SH3PXD2A: variants seen among roughly 807,000 people sequenced by gnomAD.
The protein encoded by SH3PXD2A is SH3 and PX domain-containing protein 2A.
In SH3PXD2A, 32 loss-of-function variants were observed where a neutral mutation model predicts 115.2. The ratio of observed to expected loss-of-function variants is 0.28; its 90% CI spans 0.21 to 0.37. The LOEUF is 0.37. Among genes scored for constraint, SH3PXD2A ranks in the 10% least tolerant of loss-of-function variants. The pLI, the probability that SH3PXD2A is intolerant of heterozygous loss-of-function variation, is 1.00. For missense variants in SH3PXD2A, 1,328 were observed against 1,498.7 expected (o/e 0.89, Z 1.88); for synonymous variants, 610 against 629.1 (o/e 0.97, Z 0.45).
intron 3 of SH3PXD2A, among the ~76,000 whole-genome samples, chr10:103,757,313 G>A (rs1388611115): frequency 6.6e-6 from 1 of 152,168 alleles, no homozygotes; most frequent in Non-Finnish European, 1.5e-5. Context: ...ATGGTGATTA[G>A]CATGGGGTGC....
intron 8 of SH3PXD2A, among the ~76,000 whole-genome samples, chr10:103,638,887 G>A (rs2036906702): frequency 6.6e-6 from 1 of 152,228 alleles, no homozygotes; most frequent in Non-Finnish European, 1.5e-5. Context: ...GTTTCAGGGG[G>A]AGAGAGAGAC....
intron 13 of SH3PXD2A, chr10:103,610,199 C>T (rs1366779167): frequency 6.6e-6 from 1 of 152,404 alleles, no homozygotes; most frequent in Non-Finnish European, 1.5e-5. Flanking sequence ...GAATCTGCCA[C>T]CTTTCCTGGC....
rs539256667 is a variant in SH3PXD2A, at chr10:103,623,503, C to T, written c.719-950G>A. Among the ~76,000 whole-genome samples, 173 of 152,112 alleles carry T rather than the reference C, an allele frequency of 1.1e-3. 1 individual carries two copies. The highest frequency in any genetic ancestry group is 3.3e-3 in the African/African-American group (137 of 41,492). On this transcript the variant is annotated intron_variant, in intron 9 of 14. Coordinates refer to ENST00000369774, the MANE Select transcript of SH3PXD2A (RefSeq NM_001394015.1). ...CACAGAAAGAAGGTGCCAGGCTGCC[C>T]GGGTCTGGGGGTGGGAGAGGGGCCA... is the stretch of plus-strand genomic sequence containing the variant.
At chr10:103,730,747 G>A (rs2038306374) in intron 4 of SH3PXD2A, among the ~76,000 whole-genome samples, 1 of 152,104 alleles carries the variant, frequency 6.6e-6, no homozygotes, top group African/African-American at 2.4e-5. Flanking sequence ...CTGTTTATTA[G>A]TGAAGACACA....
rs1336751794 is a variant in SH3PXD2A, at chr10:103,635,979, TG to T, written c.605-8778del. 2.0e-5 allele frequency among the ~76,000 whole-genome samples: 3 copies of T among 152,328 alleles called. No individual in the cohort carries two copies. In the East Asian group the frequency reaches 5.8e-4, roughly 29 times the overall value. On this transcript the variant is annotated intron_variant, in intron 8 of 14. Transcript: ENST00000369774. ...TGTCCCAGCCCCGGGAGGGAAAAGC[TG>T]GGGCCCAAGCACCAGGTCCTCCCTC...
rs138070070 is a variant in SH3PXD2A at position 103,812,226 on chromosome 10, G to A, written c.73-10864C>T. Among the ~76,000 whole-genome samples, 605 of 152,294 alleles carry A rather than the reference G, an allele frequency of 4.0e-3. 5 individuals carry two copies. The highest frequency in any genetic ancestry group is 0.014 in the African/African-American group (575 of 41,562). On this transcript the variant is annotated intron_variant, in intron 1 of 14. Transcript: ENST00000369774. Reference sequence around the variant, plus strand: ...CAGAGCAAACAAGTCTGATCACCTCGAGCCAGCAGGCACTCCAATGGAGAG... The same window carrying A: ...CAGAGCAAACAAGTCTGATCACCTCAAGCCAGCAGGCACTCCAATGGAGAG...
At chr10:103,617,393 G>T in intron 10 of SH3PXD2A, 79 bp from the exon 11 acceptor site, 2 of 1,041,528 alleles carry the variant, frequency 1.9e-6, no homozygotes. Flanking sequence ...TCCTGCCCTG[G>T]CCTGGCTTTT....
At chr10:103,838,873 A>G (rs1376466452) in intron 1 of SH3PXD2A, among the ~76,000 whole-genome samples, 1 of 152,184 alleles carries the variant, frequency 6.6e-6, no homozygotes, top group Non-Finnish European at 1.5e-5. Flanking sequence ...CAATCTTTCC[A>G]AAATGGAGAG....
At chr10:103,710,507 T>C (rs542197383) in intron 5 of SH3PXD2A, among the ~76,000 whole-genome samples, 33 of 152,324 alleles carry the variant, frequency 2.2e-4, no homozygotes, top group Middle Eastern at 3.4e-3. Context: ...ATGGTCCCTA[T>C]TTTACTCCTG....
intron 3 of SH3PXD2A, among the ~76,000 whole-genome samples, chr10:103,755,609 C>T (rs941799297): frequency 6.6e-6 from 1 of 152,152 alleles, no homozygotes; most frequent in Non-Finnish European, 1.5e-5. Flanking sequence ...GCTGTAAGTC[C>T]TCCAGTGTGG....
chr10:103,671,533 G>A (rs994371310), intron 6 of SH3PXD2A, among the ~76,000 whole-genome samples: 3 of 152,184 alleles, frequency 2.0e-5, no homozygotes, highest in African/African-American at 7.2e-5. Context: ...CCCCTGACCT[G>A]CAGAATTAAT....
At chr10:103,672,899 C>T (rs1278603599) in intron 6 of SH3PXD2A, among the ~76,000 whole-genome samples, 11 of 152,194 alleles carry the variant, frequency 7.2e-5, no homozygotes, top group Non-Finnish European at 1.5e-4. Flanking sequence ...CATGGCTGTC[C>T]GTCCTGGCAT....
chr10:103,717,071 C>T (rs537474876), intron 5 of SH3PXD2A, among the ~76,000 whole-genome samples: 56 of 152,292 alleles, frequency 3.7e-4, no homozygotes, highest in African/African-American at 1.2e-3. Flanking sequence ...GAGGCAGCAA[C>T]GATTCCCACT....
At position 103,668,608 on chromosome 10, in the gene SH3PXD2A, C is replaced by G. The variant is rs1452855343; in HGVS notation, c.472G>C (p.Gly158Arg). The G allele has an allele frequency of 3.9e-6, 6 of 1,554,816 alleles. No individual in the cohort carries two copies. The African/African-American group carries it at 8.2e-5, about 21-fold the overall frequency. The change falls in exon 7 of 15, where the codon GGT (glycine) becomes CGT (arginine). Residue 158 changes from glycine to arginine, a missense_variant and splice_region_variant. By Grantham distance (125) the Gly-to-Arg change is moderately radical. Transcript: ENST00000369774. ...WAESPKKDVT[G>R]ADATAEPMIL... Reference sequence around the variant, plus strand: ...CACATGCATGCACGCTGGGCAGTACCTGTCACGTCCTTCTTGGGCGACTCA... The same window carrying G: ...CACATGCATGCACGCTGGGCAGTACGTGTCACGTCCTTCTTGGGCGACTCA...
intron 6 of SH3PXD2A, among the ~76,000 whole-genome samples, chr10:103,682,558 C>A (rs2037624270): frequency 6.6e-6 from 1 of 152,180 alleles, no homozygotes; most frequent in African/African-American, 2.4e-5. Flanking sequence ...GAGTTCAAGA[C>A]CAGCTTGGCC....
intron 1 of SH3PXD2A, among the ~76,000 whole-genome samples, chr10:103,818,647 G>A (rs2039347659): frequency 6.6e-6 from 1 of 152,172 alleles, no homozygotes; most frequent in South Asian, 2.1e-4. Flanking sequence ...CTCCAGGATA[G>A]AGAAACTGCA....
chr10:103,676,110 T>C (rs887591588), intron 6 of SH3PXD2A, among the ~76,000 whole-genome samples: 1 of 152,244 alleles, frequency 6.6e-6, no homozygotes, highest in East Asian at 1.9e-4. Flanking sequence ...GCATCAGACT[T>C]AAGCCCAGGC....
At chr10:103,656,800 C>T (rs2134038830) in intron 8 of SH3PXD2A, among the ~76,000 whole-genome samples, 1 of 144,246 alleles carries the variant, frequency 6.9e-6, no homozygotes, top group East Asian at 2.0e-4. Context: ...TGCACTCCAG[C>T]CTGGGCAACA....
chr10:103,808,363 T>C (rs1481929550), intron 1 of SH3PXD2A, among the ~76,000 whole-genome samples: 2 of 152,124 alleles, frequency 1.3e-5, no homozygotes, highest in African/African-American at 2.4e-5. Flanking sequence ...GAGATTCTCC[T>C]GCTTCAGCCT....
Sources: allele counts gnomAD v4.1 joint callset (sites outside exome capture counted in the v4.1 genomes callset), GRCh38; gene constraint gnomAD v4.1.1; transcripts MANE v1.5; gene names NCBI Gene and HGNC (gene_info 2026-07-23, HGNC 2026-07-21).